The following ARHGAP42 variants were observed in gnomAD, a reference collection of about 807,000 sequenced individuals.
ARHGAP42 encodes the protein rho GTPase-activating protein 42.
In ARHGAP42, 63 loss-of-function variants were observed where a neutral mutation model predicts 125.0. That is an observed-to-expected ratio of 0.50 (90% CI 0.41 to 0.62). The LOEUF (loss-of-function observed/expected upper bound fraction) is 0.62, where lower values mean the gene tolerates loss of function less well. Among genes scored for constraint, ARHGAP42 ranks in the 20% least tolerant of loss-of-function variants. The pLI is 0.00. For synonymous variants in ARHGAP42, 339 were observed against 351.0 expected (o/e 0.97, Z 0.38); for missense variants, 766 against 1,024.2 (o/e 0.75, Z 3.44).
chr11:100,847,432 G>T (rs960249317), intron 3 of ARHGAP42, among the ~76,000 whole-genome samples: 1 of 152,154 alleles, frequency 6.6e-6, no homozygotes, highest in Non-Finnish European at 1.5e-5. Context: ...TTTTTAGGAG[G>T]TAAGGAGATG....
intron 22 of ARHGAP42, among the ~76,000 whole-genome samples, chr11:100,983,544 G>A (rs1363007297): frequency 6.6e-6 from 1 of 152,082 alleles, no homozygotes; most frequent in Non-Finnish European, 1.5e-5. Flanking sequence ...GGATGGTAGG[G>A]GAGTTCACTG....
At chr11:100,789,547 G>A (rs1863517173) in intron 2 of ARHGAP42, among the ~76,000 whole-genome samples, 1 of 151,100 alleles carries the variant, frequency 6.6e-6, no homozygotes, top group South Asian at 2.1e-4. Context: ...GAGTCTTGGC[G>A]TGAGCATTAG....
chr11:100,713,826 G>A (rs1040603730), intron 1 of ARHGAP42, among the ~76,000 whole-genome samples: 5 of 151,836 alleles, frequency 3.3e-5, no homozygotes, highest in Admixed American at 6.6e-5. Context: ...TTGCCTTCTC[G>A]GATCAAGCTT....
At chr11:100,923,098 A>G (rs946247457) in intron 6 of ARHGAP42, among the ~76,000 whole-genome samples, 1 of 152,200 alleles carries the variant, frequency 6.6e-6, no homozygotes, top group Non-Finnish European at 1.5e-5. Context: ...CTCATGGACA[A>G]CTAGCCAGCC....
At chr11:100,974,625 G>A (rs1858342265) in intron 19 of ARHGAP42, 22 bp downstream of exon 19, 2 of 1,532,306 alleles carry the variant, frequency 1.3e-6, no homozygotes, top group African/African-American at 1.4e-5. Context: ...CGGCCTTAGG[G>A]AGATGCTTTC....
chr11:100,707,666 G>C (rs764182478), intron 1 of ARHGAP42, among the ~76,000 whole-genome samples: 10 of 152,208 alleles, frequency 6.6e-5, no homozygotes, highest in Non-Finnish European at 1.3e-4. Flanking sequence ...GAAAGAAAAT[G>C]AGACATTTAC....
intron 17 of ARHGAP42, among the ~76,000 whole-genome samples, chr11:100,969,202 T>C (rs1237557566): frequency 2.0e-5 from 3 of 152,148 alleles, no homozygotes; most frequent in African/African-American, 4.8e-5. Context: ...CTTCTAGCCT[T>C]TATTGTTTCT....
At chr11:100,874,256 C>G (rs1281515402) in intron 4 of ARHGAP42, among the ~76,000 whole-genome samples, 1 of 152,138 alleles carries the variant, frequency 6.6e-6, no homozygotes, top group African/African-American at 2.4e-5. Context: ...ACAGTGAGAG[C>G]TCACCTAGTC....
chr11:100,884,548 A>G (rs920384169), intron 4 of ARHGAP42, among the ~76,000 whole-genome samples: 1 of 152,184 alleles, frequency 6.6e-6, no homozygotes, highest in Non-Finnish European at 1.5e-5. Context: ...GTACAAAATG[A>G]TAAATAAGAG....
chr11:100,911,727 C>T (rs1051141701), intron 4 of ARHGAP42, among the ~76,000 whole-genome samples: 1 of 152,138 alleles, frequency 6.6e-6, no homozygotes, highest in Non-Finnish European at 1.5e-5. Flanking sequence ...ACTAGCCTCT[C>T]TATCCTGAAC....
At position 100,744,125 on chromosome 11, in the gene ARHGAP42, C is replaced by CTA. The variant is rs1862246342; in HGVS notation, c.155-26218_155-26217insTA. Reference sequence around the variant, plus strand: ...AGCTGGGACTACAGGCGCCTGCCTCCACGCCCGGCTAATTTTTCTATTTTT... The same window carrying CTA: ...AGCTGGGACTACAGGCGCCTGCCTCCTAACGCCCGGCTAATTTTTCTATTTTT... On this transcript the variant is annotated intron_variant, in intron 1 of 23. Coordinates refer to ENST00000298815, the MANE Select transcript of ARHGAP42 (RefSeq NM_152432.4). Among the ~76,000 whole-genome samples, 2 of 152,212 alleles carry CTA rather than the reference C, an allele frequency of 1.3e-5. 1 individual carries two copies. The highest frequency in any genetic ancestry group is 2.9e-5 in the Non-Finnish European group (2 of 68,042).
chr11:100,822,738 G>A (rs1485462127), intron 3 of ARHGAP42, among the ~76,000 whole-genome samples: 2 of 152,108 alleles, frequency 1.3e-5, no homozygotes, highest in African/African-American at 2.4e-5. Context: ...CAGTTTGATT[G>A]TTACCCTTTT....
At chr11:100,784,822 A>G (rs1863396598) in intron 2 of ARHGAP42, among the ~76,000 whole-genome samples, 1 of 152,190 alleles carries the variant, frequency 6.6e-6, no homozygotes, top group Non-Finnish European at 1.5e-5. Flanking sequence ...GCTACAAGTC[A>G]TTAGTTCTAT....
At chr11:100,692,284 CA>C (rs1271698985) in intron 1 of ARHGAP42, among the ~76,000 whole-genome samples, 14 of 152,150 alleles carry the variant, frequency 9.2e-5, no homozygotes, top group Non-Finnish European at 1.9e-4. Flanking sequence ...ATTAAATATA[CA>C]CAAGCATGGA....
rs760544755 is a variant in ARHGAP42 at position 100,865,598 on chromosome 11, T to G, written c.384+5973T>G. Among the ~76,000 whole-genome samples, 29 of 152,182 alleles carry G rather than the reference T, an allele frequency of 1.9e-4. 1 individual carries two copies. The highest frequency in any genetic ancestry group is 2.0e-4 in the Admixed American group (3 of 15,274). ...CTTCCTTGGAGATAGATTTTGTAGG[T>G]TCAGTTCCAGACCACTGGCCTAAAA... On this transcript the variant is annotated intron_variant, in intron 4 of 23. Coordinates refer to ENST00000298815, the MANE Select transcript of ARHGAP42 (RefSeq NM_152432.4).
In ARHGAP42 at chr11:100,921,520, T is replaced by G; in HGVS notation, c.513T>G (p.His171Gln). 1.9e-6 allele frequency: 3 copies of G among 1,547,060 alleles called. No homozygotes were observed. Among genetic ancestry groups the G allele is most frequent in the Non-Finnish European group, 2.6e-6 (3 of 1,144,856 alleles). The change falls in exon 6 of 24, where the codon CAT becomes CAG. Residue 171 changes from histidine (H) to glutamine (Q), a missense_variant. By Grantham distance (24) the His-to-Gln change is conservative. This residue lies in a region of ARHGAP42 where 455 missense variants were observed against 636.5 expected (regional missense o/e 0.71). Coordinates refer to ENST00000298815, the MANE Select transcript of ARHGAP42 (RefSeq NM_152432.4). ...CAGATACACAAATTGACCGAGAACA[T>G]CAGAACTTCTATGAAGCATCATTAG... ...QEADTQIDRE[H>Q]QNFYEASLEY... is the part of the protein sequence containing the mutation.
chr11:100,761,219 C>T (rs1555115105), intron 1 of ARHGAP42, among the ~76,000 whole-genome samples: 1 of 151,926 alleles, frequency 6.6e-6, no homozygotes, highest in Non-Finnish European at 1.5e-5. Flanking sequence ...GAGTGGTTTG[C>T]GTAGAGATAA....
At chr11:100,862,620 A>G (rs1027055190) in intron 4 of ARHGAP42, among the ~76,000 whole-genome samples, 1 of 152,170 alleles carries the variant, frequency 6.6e-6, no homozygotes, top group Non-Finnish European at 1.5e-5. Flanking sequence ...ATATTATTGC[A>G]TTTAGTTTTT....
At chr11:100,820,754 A>G (rs562758818) in intron 3 of ARHGAP42, among the ~76,000 whole-genome samples, 2 of 152,274 alleles carry the variant, frequency 1.3e-5, no homozygotes, top group South Asian at 4.1e-4. Flanking sequence ...CAGTAACTAT[A>G]GAGGCTTAGT....
Sources: gnomAD v4.1 joint callset for allele counts (sites outside exome capture counted in the v4.1 genomes callset) on GRCh38, gnomAD v4.1.1 for gene constraint, gnomAD v4.1.1 regional missense constraint, MANE v1.5 for transcripts, NCBI Gene and HGNC (gene_info 2026-07-23, HGNC 2026-07-21) for gene names.